Variants in PAK3 observed in about 807,000 individuals in gnomAD.
The protein encoded by PAK3 is serine/threonine-protein kinase PAK 3.
A neutral mutation model predicts 41.0 loss-of-function variants in PAK3; 4 were observed. The observed-to-expected ratio is 0.10, with a 90% CI of 0.05 to 0.22. The LOEUF is 0.22. Among genes scored for constraint, PAK3 ranks in the 10% least tolerant of loss-of-function variants. The pLI is 1.00. For missense variants in PAK3, 205 were observed against 409.9 expected, an observed-to-expected ratio of 0.50 and a Z score of 4.32; for synonymous variants, 146 against 139.6, an observed-to-expected ratio of 1.05 and a Z score of -0.32.
chrX:110,987,583 T>C (rs1325856049), intron 1 of PAK3, among the ~76,000 whole-genome samples: 2 of 112,168 alleles, frequency 1.8e-5, no homozygotes, highest in Admixed American at 9.4e-5. Context: ...TGTTTTTTCA[T>C]TTAACCCTCA....
intron 1 of PAK3, among the ~76,000 whole-genome samples, chrX:110,951,770 T>C (rs2090750223): frequency 8.9e-6 from 1 of 112,627 alleles, no homozygotes; most frequent in South Asian, 3.7e-4. Context: ...GAAAGCGTTT[T>C]CCAACGTTAA....
chrX:111,106,135 A>G (rs1483215946), intron 4 of PAK3, among the ~76,000 whole-genome samples: 1 of 109,956 alleles, frequency 9.1e-6, no homozygotes, highest in African/African-American at 3.3e-5. Flanking sequence ...TACATCACAC[A>G]TTTTCACACT....
At chrX:110,988,822 G>A (rs1314503877) in intron 1 of PAK3, among the ~76,000 whole-genome samples, 5 of 111,837 alleles carry the variant, frequency 4.5e-5, no homozygotes, top group African/African-American at 1.6e-4. Flanking sequence ...GCAGGTATCA[G>A]GCTAATGGCA....
At chrX:111,119,028 T>A (rs2093520044) in intron 4 of PAK3, among the ~76,000 whole-genome samples, 2 of 111,347 alleles carry the variant, frequency 1.8e-5, no homozygotes, top group Admixed American at 9.6e-5. Flanking sequence ...CTGTATGTGT[T>A]CTTGTGTGCC....
intron 11 of PAK3, among the ~76,000 whole-genome samples, chrX:111,179,909 T>C (rs752996999): frequency 3.7e-4 from 41 of 111,014 alleles, no homozygotes; most frequent in Non-Finnish European, 7.2e-4. Context: ...CAGGCGTGTG[T>C]CACCATGCCC....
intron 1 of PAK3, among the ~76,000 whole-genome samples, chrX:110,954,745 A>T (rs1350479193): frequency 1.8e-5 from 2 of 112,038 alleles, no homozygotes; most frequent in South Asian, 7.5e-4. Context: ...TGAATTGTTA[A>T]CTGAGTAAAT....
chrX:111,056,477 C>T (rs1015524875), intron 1 of PAK3, among the ~76,000 whole-genome samples: 1 of 112,236 alleles, frequency 8.9e-6, no homozygotes, highest in African/African-American at 3.2e-5. Flanking sequence ...TTCATTGTCC[C>T]TCATGTTCCT....
At chrX:111,089,824 T>C (rs2092916214) in intron 1 of PAK3, among the ~76,000 whole-genome samples, 1 of 111,150 alleles carries the variant, frequency 9.0e-6, no homozygotes, top group South Asian at 3.8e-4. Context: ...ACTTCTTTTG[T>C]AGTACTTACT....
chrX:111,125,425 C>T (rs2093634794), intron 5 of PAK3, among the ~76,000 whole-genome samples: 1 of 111,263 alleles, frequency 9.0e-6, no homozygotes, highest in Non-Finnish European at 1.9e-5. Context: ...AGGAAGCTTT[C>T]TTGTCTCCAG....
At chrX:111,104,306 A>C (rs184679819) in intron 4 of PAK3, among the ~76,000 whole-genome samples, 3,918 of 108,316 alleles carry the variant, frequency 0.036, 179 homozygotes, top group African/African-American at 0.13. Context: ...CAAATCAAAA[A>C]ACAACCAACA....
chrX:111,092,738 A>T (rs1488214324), upstream of PAK3, among the ~76,000 whole-genome samples: 6 of 112,291 alleles, frequency 5.3e-5, no homozygotes, highest in African/African-American at 1.9e-4. Context: ...TGGCTAAAAA[A>T]ACAACAGTTC....
chrX:111,081,122 A>T (rs1207381535), intron 1 of PAK3, among the ~76,000 whole-genome samples: 1 of 111,958 alleles, frequency 8.9e-6, no homozygotes, highest in African/African-American at 3.2e-5. Flanking sequence ...ATAAAGTTTC[A>T]GTTAGATAGG....
At chrX:111,090,877 G>C (rs1187672748) in intron 1 of PAK3, among the ~76,000 whole-genome samples, 1 of 112,091 alleles carries the variant, frequency 8.9e-6, no homozygotes, top group Non-Finnish European at 1.9e-5. Context: ...TAGTAAAATG[G>C]GGAGAGCAAT....
intron 1 of PAK3, among the ~76,000 whole-genome samples, chrX:111,025,178 A>G (rs1283096534): frequency 9.0e-6 from 1 of 111,346 alleles, no homozygotes; most frequent in African/African-American, 3.3e-5. Context: ...TAGTAGCATT[A>G]AATGCCTACA....
intron 17 of PAK3, 106 bp from the exon 18 acceptor site, chrX:111,220,252 G>A: frequency 1.9e-6 from 1 of 535,499 alleles, no homozygotes; most frequent in South Asian, 2.5e-5. Context: ...ATTTAATTGG[G>A]TGTTCAAAAT....
intron 10 of PAK3, among the ~76,000 whole-genome samples, chrX:111,170,877 G>T (rs939614769): frequency 9.0e-6 from 1 of 111,385 alleles, no homozygotes; most frequent in Admixed American, 9.5e-5. Flanking sequence ...TTAGATAGGA[G>T]CCAGATGATG....
intron 16 of PAK3, among the ~76,000 whole-genome samples, chrX:111,203,982 C>T (rs2094711787): frequency 1.8e-5 from 2 of 111,725 alleles, no homozygotes; most frequent in African/African-American, 6.5e-5. Context: ...TGTTGACACT[C>T]CTCCTATTTT....
chrX:111,088,851 CTT>C (rs1203014488), intron 1 of PAK3, among the ~76,000 whole-genome samples: 9 of 111,867 alleles, frequency 8.0e-5, no homozygotes, highest in Non-Finnish European at 1.5e-4. Context: ...TTTCTATTAA[CTT>C]TGCAGCTGGC....
intron 1 of PAK3, among the ~76,000 whole-genome samples, chrX:111,017,668 A>T (rs1379368840): frequency 2.7e-5 from 3 of 111,986 alleles, no homozygotes; most frequent in African/African-American, 9.7e-5. Context: ...AACATTTAAG[A>T]GTAATTAACA....
Sources: allele counts gnomAD v4.1 joint callset (sites outside exome capture counted in the v4.1 genomes callset), GRCh38; gene constraint gnomAD v4.1.1; transcripts MANE v1.5; gene names NCBI Gene and HGNC (gene_info 2026-07-23, HGNC 2026-07-21).